The following XRCC4 variants were observed in gnomAD, a reference collection of about 807,000 sequenced individuals.
The protein encoded by XRCC4 is X-ray repair cross complementing 4.
In XRCC4, 28 loss-of-function variants were observed where a neutral mutation model predicts 39.1. The observed-to-expected ratio is 0.72, with a 90% CI of 0.53 to 0.98. The LOEUF (loss-of-function observed/expected upper bound fraction) is 0.98. Ranked by LOEUF, XRCC4 falls within the 50% of genes least tolerant of loss-of-function variation. XRCC4 has a pLI of 0.00. For synonymous variants in XRCC4, 123 were observed against 126.4 expected, an observed-to-expected ratio of 0.97 and a Z score of 0.18; for missense variants, 350 against 376.4, an observed-to-expected ratio of 0.93 and a Z score of 0.58.
In XRCC4 at chr5:83,258,841, T is replaced by A. The variant is rs187443893; in HGVS notation, c.893+164T>A. On this transcript the variant is annotated intron_variant, in intron 7 of 7. Coordinates refer to ENST00000396027, the MANE Select transcript of XRCC4 (RefSeq NM_003401.5). ...TGAATCAATGTATTGTTTCAGTATT[T>A]GGTTAATTTCTATTAATATTTAAAG... 9.8e-5 allele frequency: 92 copies of A among 939,080 alleles called. No individual in the cohort carries two copies. The Admixed American group carries it at 2.3e-3, about 23-fold the overall frequency. The allele number at this position is 939,080 out of a possible 1,614,324, so 58.2% of individuals were successfully genotyped here. A position where few individuals can be genotyped will look rare whatever the true frequency, so the allele number is the denominator to read the frequency against.
At chr5:83,240,099 A>T (rs1752847135) in intron 6 of XRCC4, among the ~76,000 whole-genome samples, 1 of 152,264 alleles carries the variant, frequency 6.6e-6, no homozygotes, top group African/African-American at 2.4e-5. Context: ...ACTTGAGCCC[A>T]GGAGTTCAAG....
At chr5:83,111,878 G>A (rs28383154) in intron 3 of XRCC4, among the ~76,000 whole-genome samples, 46 of 151,996 alleles carry the variant, frequency 3.0e-4, no homozygotes, top group African/African-American at 1.1e-3. Flanking sequence ...GTGGTTTTCA[G>A]TCATATATGA....
At chr5:83,301,436 G>C (rs1382638187) in intron 7 of XRCC4, among the ~76,000 whole-genome samples, 1 of 151,934 alleles carries the variant, frequency 6.6e-6, no homozygotes, top group African/African-American at 2.4e-5. Flanking sequence ...TTTTTTTCTT[G>C]TTAATTTGTT....
intron 7 of XRCC4, among the ~76,000 whole-genome samples, chr5:83,266,082 T>C (rs1472476242): frequency 1.3e-5 from 2 of 152,022 alleles, no homozygotes; most frequent in African/African-American, 4.8e-5. Flanking sequence ...ACAATTTCTC[T>C]AAATTTGGCT....
downstream of XRCC4, among the ~76,000 whole-genome samples, chr5:83,355,187 CTT>C (rs1013601497): frequency 2.6e-5 from 4 of 152,132 alleles, no homozygotes; most frequent in African/African-American, 9.7e-5. Context: ...GTTTCTTTAT[CTT>C]TCAGATTTAG....
chr5:83,165,142 G>T (rs942792968), intron 3 of XRCC4, among the ~76,000 whole-genome samples: 20 of 151,770 alleles, frequency 1.3e-4, no homozygotes, highest in Admixed American at 3.3e-4. Flanking sequence ...AAAATGAAAA[G>T]AAATGTGAAC....
intron 6 of XRCC4, among the ~76,000 whole-genome samples, chr5:83,226,048 TA>T (rs1016784665): frequency 1.3e-5 from 2 of 151,994 alleles, no homozygotes; most frequent in African/African-American, 4.8e-5. Context: ...TGCATTTTTT[TA>T]AAGCCTCTTC....
intron 6 of XRCC4, among the ~76,000 whole-genome samples, chr5:83,240,015 C>CAA (rs1392689825): frequency 2.0e-5 from 3 of 151,162 alleles, no homozygotes; most frequent in African/African-American, 7.3e-5. Context: ...AAAACAAAAA[C>CAA]AAAAACACTT....
At chr5:83,224,642 A>G (rs1308162683) in intron 6 of XRCC4, among the ~76,000 whole-genome samples, 2 of 152,196 alleles carry the variant, frequency 1.3e-5, no homozygotes, top group African/African-American at 4.8e-5. Flanking sequence ...GTTACTAATT[A>G]GTGTCCTCTT....
intron 3 of XRCC4, among the ~76,000 whole-genome samples, chr5:83,173,309 C>T (rs1749814514): frequency 6.6e-6 from 1 of 152,070 alleles, no homozygotes; most frequent in African/African-American, 2.4e-5. Flanking sequence ...TATTATCCCC[C>T]AAATTTGTTC....
At chr5:83,154,876 G>A (rs1748883118) in intron 3 of XRCC4, among the ~76,000 whole-genome samples, 1 of 152,222 alleles carries the variant, frequency 6.6e-6, no homozygotes, top group Non-Finnish European at 1.5e-5. Context: ...TCTGGCCTGC[G>A]CCTTCATCCC....
At chr5:83,316,634 A>G (rs60284829) in intron 7 of XRCC4, among the ~76,000 whole-genome samples, 7,141 of 138,176 alleles carry the variant, frequency 0.052, 309 homozygotes, top group East Asian at 0.15. Context: ...AAAGGGATCA[A>G]TTCAACAAGA....
intron 7 of XRCC4, among the ~76,000 whole-genome samples, chr5:83,282,027 G>A (rs1015507475): frequency 9.2e-5 from 14 of 152,286 alleles, no homozygotes; most frequent in African/African-American, 3.1e-4. Context: ...CATTTATTTA[G>A]CCTTAATACT....
intron 3 of XRCC4, among the ~76,000 whole-genome samples, chr5:83,174,760 A>G (rs1749876113): frequency 6.6e-6 from 1 of 152,204 alleles, no homozygotes; most frequent in South Asian, 2.1e-4. Flanking sequence ...GGTATTTCAT[A>G]CAGTAACATA....
chr5:83,199,862 T>C (rs572710117), intron 4 of XRCC4, among the ~76,000 whole-genome samples: 2 of 152,312 alleles, frequency 1.3e-5, no homozygotes, highest in South Asian at 4.1e-4. Context: ...TCCTAGTTAT[T>C]GTAGAAAGGA....
chr5:83,313,540 A>G (rs1755778536), intron 7 of XRCC4, among the ~76,000 whole-genome samples: 1 of 152,130 alleles, frequency 6.6e-6, no homozygotes, highest in Non-Finnish European at 1.5e-5. Flanking sequence ...TTTACTCAAT[A>G]TATTAGGCCT....
intron 7 of XRCC4, chr5:83,280,331 C>G (rs997521589): frequency 4.6e-6 from 2 of 432,956 alleles, no homozygotes; most frequent in Non-Finnish European, 8.7e-6. Context: ...TTGTAATCCT[C>G]TATTCCTGAT....
At position 83,309,843 on chromosome 5, in the gene XRCC4, G is replaced by T. The variant is rs932456919; in HGVS notation, c.894-43288G>T. Among the ~76,000 whole-genome samples the T allele has an allele frequency of 6.6e-5, 10 of 151,050 alleles. No homozygotes were observed. The East Asian group carries it at 1.6e-3, about 24-fold the overall frequency. On this transcript the variant is annotated intron_variant, in intron 7 of 7. Transcript: ENST00000396027. ...ATATACCATCTATCACATCTCTGCAGTTGTTGACTGGAATAAGTACAATGT... is the reference window on the plus strand; with the variant it reads ...ATATACCATCTATCACATCTCTGCATTTGTTGACTGGAATAAGTACAATGT...
chr5:83,232,786 C>T (rs778146455), intron 6 of XRCC4, among the ~76,000 whole-genome samples: 1 of 152,082 alleles, frequency 6.6e-6, no homozygotes, highest in Non-Finnish European at 1.5e-5. Flanking sequence ...CTAACATTGA[C>T]TTTATGCTGT....
Sources: gnomAD v4.1 joint callset for allele counts (sites outside exome capture counted in the v4.1 genomes callset) on GRCh38, gnomAD v4.1.1 for gene constraint, MANE v1.5 for transcripts, NCBI Gene and HGNC (gene_info 2026-07-23, HGNC 2026-07-21) for gene names.